RNF157: variants seen among roughly 807,000 people sequenced by gnomAD.
RNF157 encodes E3 ubiquitin ligase RNF157.
Under a neutral mutation model 88.3 loss-of-function variants are expected in RNF157, and 55 were observed. That is an observed-to-expected ratio of 0.62 (90% CI 0.50 to 0.78). The LOEUF is 0.78. RNF157 is among the 30% of genes least tolerant of loss of function. The pLI is 0.00. For synonymous variants in RNF157, 334 were observed against 341.2 expected (o/e 0.98, Z 0.23); for missense variants, 788 against 860.8 (o/e 0.92, Z 1.06).
rs189247073 is a variant in RNF157, at chr17:76,215,010, T to C, written c.89-2528A>G. Reference sequence around the variant, plus strand: ...TGTCCAAAGTAAAGGACACATCCCATAATATACCTTTATCAACACTCTCAT... The same window carrying C: ...TGTCCAAAGTAAAGGACACATCCCACAATATACCTTTATCAACACTCTCAT... On this transcript the variant is annotated intron_variant, in intron 1 of 18. Transcript: ENST00000269391. Among the ~76,000 whole-genome samples, 303 of 152,322 alleles carry C rather than the reference T, an allele frequency of 2.0e-3. 2 individuals carry two copies. Among genetic ancestry groups the C allele is most frequent in the African/African-American group, 7.0e-3 (289 of 41,572 alleles).
intron 4 of RNF157, among the ~76,000 whole-genome samples, 179 bp from the exon 5 acceptor site, chr17:76,167,305 C>T (rs1482609544): frequency 1.3e-5 from 2 of 152,160 alleles, no homozygotes; most frequent in Admixed American, 6.5e-5. Context: ...CTATTCAACC[C>T]ACACATCCAA....
intron 1 of RNF157, among the ~76,000 whole-genome samples, chr17:76,231,145 C>T (rs1318418384): frequency 6.6e-6 from 1 of 151,752 alleles, no homozygotes; most frequent in Non-Finnish European, 1.5e-5. Context: ...CTACAGGCAC[C>T]GGCCACAACG....
chr17:76,186,919 G>T (rs1035859698), intron 2 of RNF157, among the ~76,000 whole-genome samples: 1 of 150,982 alleles, frequency 6.6e-6, no homozygotes, highest in South Asian at 2.1e-4. Context: ...CAGCCTGGGT[G>T]ACAGAATGAG....
chr17:76,183,658 T>G (rs984769052), intron 2 of RNF157, among the ~76,000 whole-genome samples: 1 of 152,128 alleles, frequency 6.6e-6, no homozygotes, highest in South Asian at 2.1e-4. Flanking sequence ...TAAAAAACAT[T>G]TATGGATATA....
In RNF157 at chr17:76,157,257, C is replaced by T. The variant is rs892928015; in HGVS notation, c.1414-936G>A. On this transcript the variant is annotated intron_variant, in intron 13 of 18. Coordinates refer to ENST00000269391, the MANE Select transcript of RNF157 (RefSeq NM_052916.3). This position sits in a 1 kb window ranked among gnomAD's most constrained non-coding sequence, Gnocchi z 5.6. ...CCGGGATTCCAGGCGTGAGCCTCCG[C>T]GCCCGGCCAGTCACACAGTCCTTCT... Among the ~76,000 whole-genome samples the T allele has an allele frequency of 4.6e-5, 7 of 152,238 alleles. No homozygotes were observed. Among genetic ancestry groups the T allele is most frequent in the African/African-American group, 7.2e-5 (3 of 41,466 alleles).
In RNF157 at chr17:76,155,733, G is replaced by C. The variant is rs1209584105; in HGVS notation, c.1527C>G (p.Gly509=). ...PLSSTISSPE[G]PASSSLAQSV... ...ACTGGGCCAAGCTGCTGCTGGCAGGGCCTTTGGAGACAGGGGATGGGGAAA... is the reference window on the plus strand; with the variant it reads ...ACTGGGCCAAGCTGCTGCTGGCAGGCCCTTTGGAGACAGGGGATGGGGAAA... The change falls in exon 15 of 19, where the codon GGC becomes GGG. Residue 509 remains glycine (G), a splice_region_variant and synonymous_variant. Transcript: ENST00000269391. 6.4e-7 allele frequency: 1 copy of C among 1,557,016 alleles called. No individual in the cohort carries two copies. The highest frequency in any genetic ancestry group is 8.7e-7 in the Non-Finnish European group (1 of 1,151,250).
chr17:76,225,162 C>G (rs1046654903), intron 1 of RNF157, among the ~76,000 whole-genome samples: 1 of 151,534 alleles, frequency 6.6e-6, no homozygotes, highest in Non-Finnish European at 1.5e-5. Context: ...ACAGAGTGAG[C>G]CTCCATCTCA....
At chr17:76,185,277 C>A (rs1161033193) in intron 2 of RNF157, among the ~76,000 whole-genome samples, 1 of 152,186 alleles carries the variant, frequency 6.6e-6, no homozygotes, top group Non-Finnish European at 1.5e-5. Context: ...ACCTTCTACC[C>A]AATCATGCTG....
At position 76,157,893 on chromosome 17, in the gene RNF157, A is replaced by C. The variant is rs2068790299; in HGVS notation, c.1413+500T>G. On this transcript the variant is annotated intron_variant, in intron 13 of 18. Coordinates refer to ENST00000269391, the MANE Select transcript of RNF157 (RefSeq NM_052916.3). The surrounding 1 kb of genome is among the most constrained non-coding windows in gnomAD (Gnocchi z 5.6). ...ATGGGCCTCCCGACACCCCCCACTT[A>C]CCCCCAGGACTTTCTCCTTGCTGTT... Among the ~76,000 whole-genome samples the C allele has an allele frequency of 6.8e-6, 1 of 147,372 alleles. No individual in the cohort carries two copies. Among genetic ancestry groups the C allele is most frequent in the Non-Finnish European group, 1.5e-5 (1 of 66,402 alleles).
intron 1 of RNF157, 59 bp from the exon 2 acceptor site, chr17:76,212,541 TA>T (rs35372072): frequency 0.02 from 17,043 of 839,116 alleles, no homozygotes; most frequent in South Asian, 0.029. Flanking sequence ...CTAAATCTAG[TA>T]AAAAAAAAAA....
At chr17:76,210,588 C>CAAAAAAAAA (rs71161274) in intron 2 of RNF157, among the ~76,000 whole-genome samples, 1,185 of 52,510 alleles carry the variant, frequency 0.023, 46 homozygotes, top group Middle Eastern at 0.032. Flanking sequence ...AGACTCCGTC[C>CAAAAAAAAA]AAAAAAAAAA....
At chr17:76,218,790 C>T (rs942552323) in intron 1 of RNF157, among the ~76,000 whole-genome samples, 4 of 151,738 alleles carry the variant, frequency 2.6e-5, no homozygotes, top group East Asian at 1.9e-4. Context: ...AAAAATTAGC[C>T]GGGAGTGATG....
chr17:76,193,689 CCTGA>C (rs1162460867), intron 2 of RNF157, among the ~76,000 whole-genome samples: 1 of 152,116 alleles, frequency 6.6e-6, no homozygotes, highest in Non-Finnish European at 1.5e-5. Flanking sequence ...CTGTTGTGAC[CCTGA>C]CTGTCTAACA....
intron 5 of RNF157, 59 bp from the exon 6 acceptor site, chr17:76,166,586 A>T: frequency 7.5e-7 from 1 of 1,339,434 alleles, no homozygotes; most frequent in Non-Finnish European, 1.1e-6. Flanking sequence ...TACATGGCAC[A>T]GCTAATCTCA....
Position 76,165,540 on chromosome 17 carries a change from A to T in RNF157, c.634T>A (p.Phe212Ile). The T allele has an allele frequency of 6.2e-7, 1 of 1,614,226 alleles. No homozygotes were observed. The highest frequency in any genetic ancestry group is 8.5e-7 in the Non-Finnish European group (1 of 1,180,014). Residue 212 changes from phenylalanine (F) to isoleucine (I), a missense_variant, in exon 7 of 19, where the codon TTT (phenylalanine) becomes ATT (isoleucine). Physicochemically the swap from Phe to Ile is conservative, Grantham distance 21 (BLOSUM62 0). Transcript: ENST00000269391. ...CCCAGCAGTACATGGCAATGGCCAA[A>T]ATACTCTGAAAGAAACAAAGGCACG... ...HAVVDEGDEY[F>I]GHCHVLLGTF... is the part of the protein sequence containing the mutation.
At chr17:76,147,205 A>T (rs1192196844) in intron 18 of RNF157, 1 of 984,682 alleles carries the variant, frequency 1.0e-6, no homozygotes, top group Admixed American at 6.2e-5. Flanking sequence ...TATTGCCTTT[A>T]AAGTGAAGAA....
intron 2 of RNF157, among the ~76,000 whole-genome samples, chr17:76,201,850 T>C (rs117813251): frequency 2.6e-5 from 4 of 152,104 alleles, no homozygotes; most frequent in Non-Finnish European, 4.4e-5. Context: ...TCCACTATAA[T>C]GGCCATTAGA....
intron 1 of RNF157, among the ~76,000 whole-genome samples, chr17:76,233,435 G>T (rs1460545507): frequency 6.6e-6 from 1 of 151,966 alleles, no homozygotes; most frequent in Non-Finnish European, 1.5e-5. Context: ...TTTGCTTTTG[G>T]TGTCACATCT....
intron 3 of RNF157, 149 bp from the exon 4 acceptor site, chr17:76,167,946 A>C: frequency 1.3e-6 from 1 of 778,086 alleles, no homozygotes; most frequent in Non-Finnish European, 2.0e-6. Flanking sequence ...AGAGTGCTTC[A>C]TGACCCATGT....
Sources: allele counts gnomAD v4.1 joint callset (sites outside exome capture counted in the v4.1 genomes callset), GRCh38; gene constraint gnomAD v4.1.1; non-coding constraint Gnocchi (gnomAD v3.1); transcripts MANE v1.5; gene names NCBI Gene and HGNC (gene_info 2026-07-23, HGNC 2026-07-21).